The following ATP8B3 variants were observed in gnomAD, a reference collection of about 807,000 sequenced individuals.
ATP8B3 encodes the protein ATPase phospholipid transporting 8B3, also known as phospholipid-transporting ATPase IK.
A neutral mutation model predicts 140.9 loss-of-function variants in ATP8B3; 141 were observed. The observed-to-expected ratio is 1.00, with a 90% CI of 0.87 to 1.15. The LOEUF (loss-of-function observed/expected upper bound fraction) is 1.15. Among genes scored for constraint, ATP8B3 ranks in the 50% most tolerant of loss-of-function variants. The pLI, the probability that ATP8B3 is intolerant of heterozygous loss-of-function variation, is 0.00. For synonymous variants in ATP8B3, 765 were observed against 714.6 expected (o/e 1.07, Z -1.13); for missense variants, 1,874 against 1,740.6 (o/e 1.08, Z -1.36).
chr19:1,791,636 G>A (rs888643934), intron 20 of ATP8B3, 114 bp downstream of exon 20: 49 of 764,974 alleles, frequency 6.4e-5, no homozygotes, highest in Middle Eastern at 3.6e-4. Flanking sequence ...CAAGTGATCC[G>A]CCCGCCTCGG....
In ATP8B3 at chr19:1,805,184, A is replaced by G; in HGVS notation, c.904+190T>C. On this transcript the variant is annotated intron_variant, in intron 10 of 28. Coordinates refer to ENST00000310127, the MANE Select transcript of ATP8B3 (RefSeq NM_138813.4). This position sits in a 1 kb window ranked among gnomAD's most constrained non-coding sequence, Gnocchi z 5.2. ...GAGATGGGGTCTCGTTATGTTGTCC[A>G]GGCTGGTCTTGAATTCCTGGGCTGA... The G allele has an allele frequency of 1.5e-6, 1 of 651,196 alleles. No homozygotes were observed. Among genetic ancestry groups the G allele is most frequent in the Non-Finnish European group, 2.8e-6 (1 of 356,278 alleles). The allele number at this position is 651,196 out of a possible 1,614,324, so 40.3% of individuals were successfully genotyped here.
In ATP8B3 at chr19:1,806,242, C is replaced by T. The variant is rs1041788737; in HGVS notation, c.678-73G>A. 18 of 1,538,412 alleles carry T rather than the reference C, an allele frequency of 1.2e-5. No homozygotes were observed. Among genetic ancestry groups the T allele is most frequent in the Middle Eastern group, 2.1e-4 (1 of 4,692 alleles). ...TCCCCACACCGGGAGACCAGAGGCA[C>T]GGGATGACGGGGGGCCCGCAGCTGC... On this transcript the variant is annotated intron_variant, in intron 7 of 28. Coordinates refer to ENST00000310127, the MANE Select transcript of ATP8B3 (RefSeq NM_138813.4). The surrounding 1 kb of genome is among the most constrained non-coding windows in gnomAD (Gnocchi z 5.6).
intron 11 of ATP8B3, 32 bp from the exon 12 acceptor site, chr19:1,802,076 C>A: frequency 7.6e-7 from 1 of 1,307,954 alleles, no homozygotes; most frequent in Non-Finnish European, 1.0e-6. Context: ...TCCACCCACC[C>A]ACCCACCCAT....
At chr19:1,808,089 G>A in intron 5 of ATP8B3, 133 bp downstream of exon 5, 1 of 689,864 alleles carries the variant, frequency 1.4e-6, no homozygotes. Context: ...GCCCTGGGCA[G>A]GGTAGTAGGG....
Position 1,782,947 on chromosome 19 carries a change from G to C in ATP8B3, c.*81C>G, listed in dbSNP as rs2145164412. On this transcript the variant is annotated 3_prime_UTR_variant, in exon 29 of 29. Coordinates refer to ENST00000310127, the MANE Select transcript of ATP8B3 (RefSeq NM_138813.4). ...TAGAAAATGATGAGCTAGGTGTAGG[G>C]GGGAGCTGTACTTCCTGGGAGGACA... The C allele has an allele frequency of 6.6e-7, 1 of 1,504,406 alleles. No individual in the cohort carries two copies. The highest frequency in any genetic ancestry group is 1.4e-5 in the African/African-American group (1 of 71,952). 93.2% of individuals were successfully genotyped at this position (1,504,406 alleles called of 1,614,324 possible).
chr19:1,790,003 G>T lies in ATP8B3; in HGVS notation c.2379-14C>A, dbSNP rs1245457480. ...TCCAGGATGCGGCTGCGGGGCGCAG[G>T]GGTCAGCGGGGCAGGGGAGGGGGCG... On this transcript the variant is annotated splice_polypyrimidine_tract_variant and intron_variant, in intron 21 of 28. Coordinates refer to ENST00000310127, the MANE Select transcript of ATP8B3 (RefSeq NM_138813.4). 1 of 1,594,388 alleles carries T rather than the reference G, an allele frequency of 6.3e-7. No individual in the cohort carries two copies. Among genetic ancestry groups the T allele is most frequent in the Non-Finnish European group, 8.6e-7 (1 of 1,164,786 alleles).
chr19:1,809,109 G>A (rs2069111551), intron 4 of ATP8B3, among the ~76,000 whole-genome samples: 1 of 152,126 alleles, frequency 6.6e-6, no homozygotes, highest in African/African-American at 2.4e-5. Flanking sequence ...GGGAGGCAGA[G>A]GTTGCAGTGA....
At chr19:1,789,301 G>T in intron 23 of ATP8B3, 60 bp downstream of exon 23, 1 of 818,410 alleles carries the variant, frequency 1.2e-6, no homozygotes, top group Non-Finnish European at 1.6e-6. Flanking sequence ...TCCCACCACC[G>T]CCTCCGTCAG....
In ATP8B3 at chr19:1,782,954, T is replaced by G; in HGVS notation, c.*74A>C. On this transcript the variant is annotated 3_prime_UTR_variant, in exon 29 of 29. Coordinates refer to ENST00000310127, the MANE Select transcript of ATP8B3 (RefSeq NM_138813.4). ...TGATGAGCTAGGTGTAGGGGGGAGCTGTACTTCCTGGGAGGACACCTGCCC... is the reference window on the plus strand; with the variant it reads ...TGATGAGCTAGGTGTAGGGGGGAGCGGTACTTCCTGGGAGGACACCTGCCC... 1 of 1,525,632 alleles carries G rather than the reference T, an allele frequency of 6.6e-7. No homozygotes were observed. 94.5% of individuals were successfully genotyped at this position (1,525,632 alleles called of 1,614,324 possible).
At position 1,800,047 on chromosome 19, in the gene ATP8B3, G is replaced by T. The variant is rs763991881; in HGVS notation, c.1452C>A (p.Asp484Glu). ...AGATGTATTCCACCTGGCCCAGGTG[G>T]TCGTTGAGGCTGGTGCTGCGGGCCT... ...PAKARSTSLN[D>E]HLGQVEYIFS... Residue 484 changes from aspartate (D) to glutamate (E), a missense_variant, in exon 14 of 29, where the codon GAC (aspartate) becomes GAA (glutamate). By Grantham distance (45) the Asp-to-Glu change is conservative (BLOSUM62 2). This residue lies in a region of ATP8B3 where 1,032 missense variants were observed against 963.6 expected (regional missense o/e 1.07). Transcript: ENST00000310127. This position sits in a 1 kb window ranked among gnomAD's most constrained non-coding sequence, Gnocchi z 4.4. The T allele has an allele frequency of 1.7e-5, 27 of 1,599,542 alleles. No homozygotes were observed. The highest frequency in any genetic ancestry group is 1.9e-5 in the Non-Finnish European group (22 of 1,173,212).
Position 1,789,134 on chromosome 19 carries a change from G to A in ATP8B3, c.2846-14C>T, listed in dbSNP as rs1164969968. 8.4e-6 allele frequency: 13 copies of A among 1,555,384 alleles called. No individual in the cohort carries two copies. The highest frequency in any genetic ancestry group is 1.4e-5 in the African/African-American group (1 of 73,702). ...CCACGTCCGCGGCTGCAGGGCACAA[G>A]CAGCTGGTCAGCCCCCCGCACGCCC... On this transcript the variant is annotated splice_polypyrimidine_tract_variant and intron_variant, in intron 23 of 28. Coordinates refer to ENST00000310127, the MANE Select transcript of ATP8B3 (RefSeq NM_138813.4).
intron 23 of ATP8B3, 50 bp from the exon 24 acceptor site, chr19:1,789,170 C>T (rs1256734513): frequency 1.7e-6 from 2 of 1,187,664 alleles, no homozygotes; most frequent in South Asian, 2.8e-5. Context: ...CCAGTCCCGC[C>T]CGCCCCCCCA....
rs1391397208 is a variant in ATP8B3 at position 1,796,799 on chromosome 19, G to T, written c.1665C>A (p.Thr555=). The T allele has an allele frequency of 1.2e-6, 2 of 1,612,470 alleles. No homozygotes were observed. Among genetic ancestry groups the T allele is most frequent in the Non-Finnish European group, 1.7e-6 (2 of 1,179,642 alleles). Residue 555 remains threonine, a synonymous_variant, in exon 16 of 29, where the codon ACC becomes ACA. Transcript: ENST00000310127. ...ACTCCCGCACGGCCTCGTCCCCGTT[G>T]GTCCGCACGAGGTGCAGCAGGGCCG... ...HNAALLHLVR[T]NGDEAVREFW... is the part of the protein sequence containing the mutation.
chr19:1,796,805 C>A lies in ATP8B3; in HGVS notation c.1659G>T (p.Val553=). The change falls in exon 16 of 29, where the codon GTG becomes GTT. Residue 553 remains valine, a synonymous_variant. Transcript: ENST00000310127. ...LFHNAALLHL[V]RTNGDEAVRE... is the part of the protein sequence containing the mutation. ...GCACGGCCTCGTCCCCGTTGGTCCG[C>A]ACGAGGTGCAGCAGGGCCGCATTGT... 6.2e-7 allele frequency: 1 copy of A among 1,612,580 alleles called. No homozygotes were observed. The highest frequency in any genetic ancestry group is 8.5e-7 in the Non-Finnish European group (1 of 1,179,632).
At chr19:1,796,010 G>T (rs781671212) in intron 17 of ATP8B3, 23 bp from the exon 18 acceptor site, 2 of 1,612,206 alleles carry the variant, frequency 1.2e-6, no homozygotes. Flanking sequence ...AGGCCCTGCT[G>T]CCCACAGAGG....
rs374431083 is a variant in ATP8B3 at position 1,790,853 on chromosome 19, G to A, written c.2303-21C>T. The A allele has an allele frequency of 1.2e-3, 1,850 of 1,576,984 alleles. 39 individuals are homozygous for A. In the South Asian group the frequency reaches 0.02, roughly 17 times the overall value. On this transcript the variant is annotated intron_variant, in intron 20 of 28. Coordinates refer to ENST00000310127, the MANE Select transcript of ATP8B3 (RefSeq NM_138813.4). ...CGTTTCTGCGAAGCAGACCAGCTCAGCGCCTCTGCGACCCGCCCCGCACTG... is the reference window on the plus strand; with the variant it reads ...CGTTTCTGCGAAGCAGACCAGCTCAACGCCTCTGCGACCCGCCCCGCACTG...
Position 1,789,971 on chromosome 19 carries a change from G to A in ATP8B3, c.2397C>T (p.Tyr799=). ...EKEISRILET[Y]WENSNNLLTR... ...TTAGAAGGTTGTTACTGTTTTCCCAGTAGGTCTCCAGGATGCGGCTGCGGG... is the reference window on the plus strand; with the variant it reads ...TTAGAAGGTTGTTACTGTTTTCCCAATAGGTCTCCAGGATGCGGCTGCGGG... The change falls in exon 22 of 29, where the codon TAC becomes TAT. Residue 799 remains tyrosine, a synonymous_variant. Coordinates refer to ENST00000310127, the MANE Select transcript of ATP8B3 (RefSeq NM_138813.4). The A allele has an allele frequency of 6.2e-7, 1 of 1,611,808 alleles. No homozygotes were observed. Among genetic ancestry groups the A allele is most frequent in the African/African-American group, 1.3e-5 (1 of 74,968 alleles).
intron 18 of ATP8B3, among the ~76,000 whole-genome samples, chr19:1,795,473 C>T (rs1458764752): frequency 6.6e-6 from 1 of 152,120 alleles, no homozygotes; most frequent in African/African-American, 2.4e-5. Flanking sequence ...ATCACTTGAA[C>T]CCGGGAGGCG....
intron 20 of ATP8B3, 55 bp downstream of exon 20, chr19:1,791,695 A>C: frequency 1.5e-6 from 2 of 1,343,814 alleles, no homozygotes; most frequent in Non-Finnish European, 1.1e-6. Flanking sequence ...ACTTCAGGGA[A>C]GTTTGAAGAC....
Sources: gnomAD v4.1 joint callset for allele counts (sites outside exome capture counted in the v4.1 genomes callset) on GRCh38, gnomAD v4.1.1 for gene constraint, gnomAD v4.1.1 regional missense constraint, Gnocchi (gnomAD v3.1) non-coding constraint, MANE v1.5 for transcripts, NCBI Gene and HGNC (gene_info 2026-07-23, HGNC 2026-07-21) for gene names.